The following PAX3 variants were observed in gnomAD, a reference collection of about 807,000 sequenced individuals.
PAX3 encodes paired box 3.
Under a neutral mutation model 51.6 loss-of-function variants are expected in PAX3, and 14 were observed. The ratio of observed to expected loss-of-function variants is 0.27; its 90% CI spans 0.18 to 0.42. PAX3 has a LOEUF of 0.42. Among genes scored for constraint, PAX3 ranks in the 10% least tolerant of loss-of-function variants. The pLI, the probability that PAX3 is intolerant of heterozygous loss-of-function variation, is 1.00. For synonymous variants in PAX3, 280 were observed against 253.4 expected (o/e 1.11, Z -1.00); for missense variants, 540 against 642.8 (o/e 0.84, Z 1.73).
chr2:222,267,770 C>T lies in PAX3; in HGVS notation c.586+26397G>A, dbSNP rs183333332. ...AACATTGTTCTGCTGTACCATTAAA[C>T]GAGGCAGAAGGCATAATTTATTGGT... On this transcript the variant is annotated intron_variant, in intron 4 of 8. Coordinates refer to ENST00000392070, the MANE Select transcript of PAX3 (RefSeq NM_181458.4). 6.6e-5 allele frequency among the ~76,000 whole-genome samples: 10 copies of T among 152,242 alleles called. No individual in the cohort carries two copies. In the East Asian group the frequency reaches 9.7e-4, roughly 15 times the overall value.
In PAX3 at chr2:222,298,670, C is replaced by A. The variant is rs1574775903; in HGVS notation, c.-55G>T. ...TCCAGGTGAAGGCGAAACGGAAAGG[C>A]GAGTGCGGCGCGGATGACCCTCGGG... On this transcript the variant is annotated 5_prime_UTR_variant, in exon 1 of 9. Coordinates refer to ENST00000392070, the MANE Select transcript of PAX3 (RefSeq NM_181458.4). 2 of 1,497,656 alleles carry A rather than the reference C, an allele frequency of 1.3e-6. No individual in the cohort carries two copies. The highest frequency in any genetic ancestry group is 1.2e-5 in the South Asian group (1 of 83,392). 92.8% of individuals were successfully genotyped at this position (1,497,656 alleles called of 1,614,324 possible). A position where few individuals can be genotyped will look rare whatever the true frequency, so the allele number is the denominator to read the frequency against.
At chr2:222,277,865 C>T (rs111896978) in intron 4 of PAX3, among the ~76,000 whole-genome samples, 14,917 of 146,292 alleles carry the variant, frequency 0.1, 799 homozygotes, top group South Asian at 0.16. Context: ...ACCCAGAAGG[C>T]GGAGGCTGCA....
intron 3 of PAX3, among the ~76,000 whole-genome samples, chr2:222,295,004 T>G (rs1350509041): frequency 1.3e-5 from 2 of 151,890 alleles, no homozygotes; most frequent in Non-Finnish European, 2.9e-5. Context: ...AAACAAACCC[T>G]CCCGTGCGCC....
In PAX3 at chr2:222,202,022, A is replaced by G; in HGVS notation, c.1342T>C (p.Tyr448His). Residue 448 changes from tyrosine (Y) to histidine (H), a missense_variant, in exon 8 of 9, where the codon TAC becomes CAC. Coordinates refer to ENST00000392070, the MANE Select transcript of PAX3 (RefSeq NM_181458.4). ...SLDSLPTSQSYCPPTYSTTGY... is the reference protein window; with the variant it reads ...SLDSLPTSQSHCPPTYSTTGY... Reference sequence around the variant, plus strand: ...GTGGTGCTATAGGTGGGTGGACAGTAGGACTGAGATGTTGGCAGACTGTCC... The same window carrying G: ...GTGGTGCTATAGGTGGGTGGACAGTGGGACTGAGATGTTGGCAGACTGTCC... 1 of 1,614,078 alleles carries G rather than the reference A, an allele frequency of 6.2e-7. No individual in the cohort carries two copies. Among genetic ancestry groups the G allele is most frequent in the Non-Finnish European group, 8.5e-7 (1 of 1,180,006 alleles).
chr2:222,294,966 G>A (rs1193679475), intron 3 of PAX3, among the ~76,000 whole-genome samples: 1 of 151,992 alleles, frequency 6.6e-6, no homozygotes, highest in East Asian at 1.9e-4. Context: ...TTCTCACAGA[G>A]GGAAAAAGGG....
chr2:222,260,357 G>A (rs1693798535), intron 4 of PAX3, among the ~76,000 whole-genome samples: 1 of 152,036 alleles, frequency 6.6e-6, no homozygotes, highest in Non-Finnish European at 1.5e-5. Flanking sequence ...AACAGAGCAA[G>A]ACCTTTCTCA....
intron 4 of PAX3, among the ~76,000 whole-genome samples, chr2:222,270,068 T>C (rs1476800175): frequency 6.6e-6 from 1 of 152,208 alleles, no homozygotes; most frequent in Admixed American, 6.5e-5. Context: ...ACACTGTAGC[T>C]GAGGCTATAG....
intron 4 of PAX3, among the ~76,000 whole-genome samples, chr2:222,247,888 T>C (rs1693287153): frequency 6.6e-6 from 1 of 151,820 alleles, no homozygotes; most frequent in Non-Finnish European, 1.5e-5. Context: ...TCTCATTATA[T>C]CTACCTCATT....
chr2:222,288,110 C>T (rs1694897997), intron 4 of PAX3, among the ~76,000 whole-genome samples: 1 of 152,172 alleles, frequency 6.6e-6, no homozygotes, highest in Non-Finnish European at 1.5e-5. Flanking sequence ...AAAACCTATG[C>T]AAATATATTG....
At chr2:222,223,523 C>G (rs1462224054) in intron 5 of PAX3, among the ~76,000 whole-genome samples, 2 of 152,136 alleles carry the variant, frequency 1.3e-5, no homozygotes, top group Non-Finnish European at 2.9e-5. Flanking sequence ...GTTCTGGGAA[C>G]AAACTGTGTT....
chr2:222,258,384 T>C (rs1377656488), intron 4 of PAX3, among the ~76,000 whole-genome samples: 1 of 152,352 alleles, frequency 6.6e-6, no homozygotes, highest in South Asian at 2.1e-4. Context: ...AACAATTTTC[T>C]GATTTCATTA....
intron 7 of PAX3, among the ~76,000 whole-genome samples, chr2:222,202,401 G>A (rs1297898684): frequency 2.0e-5 from 3 of 151,988 alleles, no homozygotes; most frequent in Non-Finnish European, 2.9e-5. Context: ...AAGAAGGAAA[G>A]GGGGAGGGAG....
intron 4 of PAX3, among the ~76,000 whole-genome samples, chr2:222,260,544 C>A (rs1574707986): frequency 7.9e-6 from 1 of 127,194 alleles, no homozygotes; most frequent in Non-Finnish European, 1.6e-5. Flanking sequence ...CTATTTCAAG[C>A]AACACAAGTT....
rs1574772321 is a variant in PAX3, at chr2:222,297,221, A to G, written c.86-8T>C. 6 of 1,553,916 alleles carry G rather than the reference A, an allele frequency of 3.9e-6. No individual in the cohort carries two copies. In the South Asian group the frequency reaches 5.9e-5, roughly 15 times the overall value. On this transcript the variant is annotated splice_polypyrimidine_tract_variant and splice_region_variant and intron_variant, in intron 1 of 8. Transcript: ENST00000392070. The stretch of plus-strand genomic sequence containing the variant: ...GGCCGAGGGGAGTGGACACTGTGGG[A>G]AGGTGAAAAAGAGAAGCAAGGGAAA...
chr2:222,227,595 C>T (rs1692433014), intron 5 of PAX3, among the ~76,000 whole-genome samples: 2 of 151,984 alleles, frequency 1.3e-5, no homozygotes, highest in Admixed American at 1.3e-4. Flanking sequence ...GAGTGAGACC[C>T]TGTCTCAAAA....
chr2:222,293,257 A>G (rs1482162618), intron 4 of PAX3, among the ~76,000 whole-genome samples: 1 of 152,178 alleles, frequency 6.6e-6, no homozygotes, highest in African/African-American at 2.4e-5. Flanking sequence ...CCCCAAGGCC[A>G]AAGCCACTGA....
rs1163023947 is a variant in PAX3, at chr2:222,298,790, G to C, written c.-175C>G. 1.5e-6 allele frequency: 1 copy of C among 657,046 alleles called. No individual in the cohort carries two copies. Among genetic ancestry groups the C allele is most frequent in the Non-Finnish European group, 2.7e-6 (1 of 369,410 alleles). 40.7% of individuals were successfully genotyped at this position (657,046 alleles called of 1,614,324 possible). A position where few individuals can be genotyped will look rare whatever the true frequency, so the allele number is the denominator to read the frequency against. ...GCTGTCGGTTCCTAGTCCAGAGGCC[G>C]GAGCTGGAACCCGGGAAAGGGGAGG... On this transcript the variant is annotated 5_prime_UTR_variant, in exon 1 of 9. Coordinates refer to ENST00000392070, the MANE Select transcript of PAX3 (RefSeq NM_181458.4).
intron 4 of PAX3, among the ~76,000 whole-genome samples, chr2:222,255,887 AC>A (rs1300125753): frequency 1.4e-5 from 2 of 144,480 alleles, no homozygotes; most frequent in Non-Finnish European, 3.0e-5. Context: ...AGTAGCTGGC[AC>A]TACAGGTGCA....
intron 4 of PAX3, among the ~76,000 whole-genome samples, chr2:222,270,707 T>C (rs929188034): frequency 6.6e-6 from 1 of 152,264 alleles, no homozygotes; most frequent in East Asian, 1.9e-4. Context: ...TCCAATCTTG[T>C]GACATGAGCC....
Sources: gnomAD v4.1 joint callset for allele counts (sites outside exome capture counted in the v4.1 genomes callset) on GRCh38, gnomAD v4.1.1 for gene constraint, MANE v1.5 for transcripts, NCBI Gene and HGNC (gene_info 2026-07-23, HGNC 2026-07-21) for gene names.